Variants in CDH13 observed in about 807,000 individuals in gnomAD.
The protein encoded by CDH13 is cadherin 13.
Under a neutral mutation model 63.8 loss-of-function variants are expected in CDH13, and 24 were observed. The observed-to-expected ratio is 0.38, with a 90% CI of 0.27 to 0.53. The LOEUF (loss-of-function observed/expected upper bound fraction) is 0.53, where lower values mean the gene tolerates loss of function less well. Ranked by LOEUF, CDH13 falls within the 20% of genes least tolerant of loss-of-function variation. The probability of loss-of-function intolerance (pLI) is 0.85; values close to 1 mark genes in which losing one functional copy is unlikely to be tolerated. For missense variants in CDH13, 1,049 were observed against 903.1 expected (o/e 1.16, Z -2.07); for synonymous variants, 503 against 355.3 (o/e 1.42, Z -4.67).
chr16:82,935,425 G>A (rs62037204), intron 2 of CDH13, among the ~76,000 whole-genome samples: 128 of 152,308 alleles, frequency 8.4e-4, no homozygotes, highest in Non-Finnish European at 1.5e-3. Flanking sequence ...GTATGACATG[G>A]TGAAATAGTT....
At chr16:82,976,450 C>T (rs1358866809) in intron 2 of CDH13, among the ~76,000 whole-genome samples, 3 of 152,142 alleles carry the variant, frequency 2.0e-5, no homozygotes, top group African/African-American at 7.2e-5. Flanking sequence ...TCCAGTTATC[C>T]TCATGCTTTT....
chr16:83,227,920 C>T (rs1239363882), intron 5 of CDH13, among the ~76,000 whole-genome samples: 1 of 152,138 alleles, frequency 6.6e-6, no homozygotes, highest in Non-Finnish European at 1.5e-5. Flanking sequence ...CCACCAAATC[C>T]CTGCTTCATG....
At chr16:83,295,645 T>C (rs1410049821) in intron 5 of CDH13, among the ~76,000 whole-genome samples, 1 of 146,744 alleles carries the variant, frequency 6.8e-6, no homozygotes, top group Non-Finnish European at 1.6e-5. Context: ...TACCTGTTAA[T>C]ATGGCTGTTA....
At chr16:82,700,951 A>ACCACCCCCCCCCCCCCCCC (rs1567641690) in intron 1 of CDH13, among the ~76,000 whole-genome samples, 2 of 13,806 alleles carry the variant, frequency 1.4e-4, no homozygotes, top group Non-Finnish European at 4.1e-4. Context: ...AAGTGCTGGA[A>ACCACCCCCCCCCCCCCCCC]CCCGCCCCCC....
At chr16:82,734,178 T>C (rs1384271290) in intron 1 of CDH13, among the ~76,000 whole-genome samples, 1 of 152,222 alleles carries the variant, frequency 6.6e-6, no homozygotes, top group Admixed American at 6.5e-5. Context: ...CACTACTTGT[T>C]TTCATGAATA....
At chr16:82,817,788 G>C (rs1236272382) in intron 1 of CDH13, among the ~76,000 whole-genome samples, 1 of 152,136 alleles carries the variant, frequency 6.6e-6, no homozygotes, top group Admixed American at 6.5e-5. Flanking sequence ...CTGGGCCACA[G>C]AGTGAGACTC....
At chr16:82,911,203 C>T (rs1241839356) in intron 2 of CDH13, among the ~76,000 whole-genome samples, 2 of 152,214 alleles carry the variant, frequency 1.3e-5, no homozygotes, top group African/African-American at 4.8e-5. Context: ...AACTTCCATT[C>T]ATTTGCACAT....
At chr16:83,587,514 G>A (rs1015938854) in intron 7 of CDH13, among the ~76,000 whole-genome samples, 5 of 152,122 alleles carry the variant, frequency 3.3e-5, no homozygotes, top group African/African-American at 7.2e-5. Flanking sequence ...ACAGCAGAAC[G>A]CAATTTTTAG....
intron 4 of CDH13, among the ~76,000 whole-genome samples, chr16:83,190,745 ATTAG>A: frequency 6.6e-6 from 1 of 152,324 alleles, no homozygotes; most frequent in East Asian, 1.9e-4. Flanking sequence ...GAAGATTGCA[ATTAG>A]TTAACCATTA....
chr16:83,386,424 A>G (rs1039068575), intron 6 of CDH13, among the ~76,000 whole-genome samples: 1 of 152,238 alleles, frequency 6.6e-6, no homozygotes, highest in African/African-American at 2.4e-5. Context: ...GAGACTTGAT[A>G]GTAAAAACTG....
chr16:83,214,752 G>A (rs536088156), intron 4 of CDH13, among the ~76,000 whole-genome samples: 2 of 151,988 alleles, frequency 1.3e-5, no homozygotes, highest in Non-Finnish European at 2.9e-5. Flanking sequence ...CTTTATAGAT[G>A]CCATCTCATT....
chr16:82,996,930 A>T (rs1187493101), intron 2 of CDH13, among the ~76,000 whole-genome samples: 1 of 149,970 alleles, frequency 6.7e-6, no homozygotes, highest in Non-Finnish European at 1.5e-5. Context: ...TATGGTAATG[A>T]TAATTACGAT....
chr16:83,023,128 A>G (rs895194239), intron 2 of CDH13: 1 of 152,218 alleles, frequency 6.6e-6, no homozygotes, highest in Admixed American at 6.5e-5. Flanking sequence ...TTCACATGTC[A>G]AACTTGCCAT....
intron 1 of CDH13, among the ~76,000 whole-genome samples, chr16:82,684,165 C>T (rs955966701): frequency 1.3e-5 from 2 of 152,162 alleles, no homozygotes; most frequent in Admixed American, 6.5e-5. Flanking sequence ...GGGAAAGGGC[C>T]CAGGTTTTGA....
chr16:82,965,968 G>A (rs1907745551), intron 2 of CDH13, among the ~76,000 whole-genome samples: 1 of 152,088 alleles, frequency 6.6e-6, no homozygotes, highest in African/African-American at 2.4e-5. Flanking sequence ...AGTAATTCAG[G>A]GCATGAAAAT....
intron 1 of CDH13, among the ~76,000 whole-genome samples, chr16:82,746,848 G>GT (rs1472721269): frequency 6.6e-6 from 1 of 152,090 alleles, no homozygotes; most frequent in Non-Finnish European, 1.5e-5. Flanking sequence ...GAGATTTTTT[G>GT]TAACGATCAC....
At chr16:83,000,871 G>T (rs1005296937) in intron 2 of CDH13, among the ~76,000 whole-genome samples, 5 of 152,136 alleles carry the variant, frequency 3.3e-5, no homozygotes, top group Admixed American at 2.0e-4. Context: ...GAGCCACCGC[G>T]CCTGGCCATT....
At chr16:83,373,365 G>C (rs182560452) in intron 6 of CDH13, among the ~76,000 whole-genome samples, 364 of 152,264 alleles carry the variant, frequency 2.4e-3, no homozygotes, top group Non-Finnish European at 4.6e-3. Flanking sequence ...TAAGGAGCAG[G>C]GAAAAGATCT....
intron 5 of CDH13, among the ~76,000 whole-genome samples, chr16:83,257,195 A>G (rs2151831803): frequency 6.6e-6 from 1 of 152,264 alleles, no homozygotes; most frequent in East Asian, 1.9e-4. Context: ...AGTAGGAGAA[A>G]AGACAGTAGG....
Sources: gnomAD v4.1 joint callset for allele counts (sites outside exome capture counted in the v4.1 genomes callset) on GRCh38, gnomAD v4.1.1 for gene constraint, MANE v1.5 for transcripts, NCBI Gene and HGNC (gene_info 2026-07-23, HGNC 2026-07-21) for gene names.